The following RERG variants were observed in gnomAD, a reference collection of about 807,000 sequenced individuals.
The protein encoded by RERG is RAS like estrogen regulated growth inhibitor, also known as ras-related and estrogen-regulated growth inhibitor.
RERG carries 25 observed loss-of-function variants against 23.2 expected under a neutral mutation model. The observed-to-expected ratio is 1.08, with a 90% CI of 0.79 to 1.50. RERG has a LOEUF of 1.50. Among genes scored for constraint, RERG ranks in the 40% most tolerant of loss-of-function variants. The probability of loss-of-function intolerance (pLI) is 0.00; values close to 1 mark genes in which losing one functional copy is unlikely to be tolerated. For missense variants in RERG, 253 were observed against 250.1 expected (o/e 1.01, Z -0.08); for synonymous variants, 81 against 89.1 (o/e 0.91, Z 0.51).
intron 2 of RERG, among the ~76,000 whole-genome samples, chr12:15,214,473 C>T (rs2136149826): frequency 6.6e-6 from 1 of 152,176 alleles, no homozygotes; most frequent in Middle Eastern, 3.4e-3. Flanking sequence ...ACTTAAGCCT[C>T]TGAAACAATT....
At chr12:15,177,839 GTTT>G (rs11304470) in intron 2 of RERG, among the ~76,000 whole-genome samples, 4 of 112,954 alleles carry the variant, frequency 3.5e-5, no homozygotes, top group East Asian at 2.7e-4. Context: ...CCCTCTGTTT[GTTT>G]TTTTTTTTTT....
At chr12:15,216,391 A>G (rs1380491704) in intron 2 of RERG, among the ~76,000 whole-genome samples, 1 of 152,226 alleles carries the variant, frequency 6.6e-6, no homozygotes, top group East Asian at 1.9e-4. Flanking sequence ...AGAGACAAAG[A>G]CTTAGAAGAG....
At chr12:15,160,389 T>C (rs1369076303) in intron 2 of RERG, among the ~76,000 whole-genome samples, 1 of 152,100 alleles carries the variant, frequency 6.6e-6, no homozygotes, top group Non-Finnish European at 1.5e-5. Flanking sequence ...CGCTGAAACA[T>C]GGCTTTTTAG....
intron 2 of RERG, among the ~76,000 whole-genome samples, chr12:15,214,000 G>GTA (rs1039738528): frequency 7.1e-4 from 23 of 32,484 alleles, no homozygotes; most frequent in Admixed American, 5.2e-3. Flanking sequence ...GAAAGTATGT[G>GTA]TGTGTGTGTG....
At chr12:15,155,918 T>C (rs780129967) in intron 2 of RERG, among the ~76,000 whole-genome samples, 1 of 150,974 alleles carries the variant, frequency 6.6e-6, no homozygotes, top group African/African-American at 2.4e-5. Flanking sequence ...AAATCAACTA[T>C]GATGAAATAT....
At chr12:15,143,311 C>A (rs1183170008) in intron 2 of RERG, among the ~76,000 whole-genome samples, 1 of 142,408 alleles carries the variant, frequency 7.0e-6, no homozygotes, top group Non-Finnish European at 1.5e-5. Context: ...ATATAATATA[C>A]ACACACACGT....
At chr12:15,155,665 A>G (rs146093323) in intron 2 of RERG, among the ~76,000 whole-genome samples, 171 of 152,216 alleles carry the variant, frequency 1.1e-3, no homozygotes, top group African/African-American at 4.0e-3. Flanking sequence ...GTACCTGACA[A>G]TTATCTTGTT....
chr12:15,182,777 A>G (rs1864941727), intron 2 of RERG, among the ~76,000 whole-genome samples: 1 of 152,116 alleles, frequency 6.6e-6, no homozygotes, highest in African/African-American at 2.4e-5. Context: ...GACATTATCT[A>G]ACTAAGAAGG....
intron 3 of RERG, among the ~76,000 whole-genome samples, chr12:15,115,689 G>A (rs185667087): frequency 2.0e-5 from 3 of 152,150 alleles, no homozygotes; most frequent in Admixed American, 2.0e-4. Context: ...CCTGTAAGCC[G>A]GTGGTTTTGT....
At chr12:15,185,541 T>C (rs2136131435) in intron 2 of RERG, among the ~76,000 whole-genome samples, 1 of 152,246 alleles carries the variant, frequency 6.6e-6, no homozygotes, top group East Asian at 1.9e-4. Context: ...CCAACCTGTA[T>C]GAAAGTAATT....
intron 2 of RERG, among the ~76,000 whole-genome samples, chr12:15,175,331 CTCTGTG>C (rs1366303269): frequency 4.6e-5 from 5 of 109,272 alleles, no homozygotes; most frequent in African/African-American, 6.9e-5. Context: ...TACTCTCAGG[CTCTGTG>C]TGTGTGTGTG....
chr12:15,149,853 T>C (rs771813745), intron 2 of RERG, among the ~76,000 whole-genome samples: 2 of 152,028 alleles, frequency 1.3e-5, no homozygotes, highest in Non-Finnish European at 2.9e-5. Flanking sequence ...AGGACCAGCC[T>C]ACAGATCTCC....
At chr12:15,183,774 T>C (rs1409066501) in intron 2 of RERG, among the ~76,000 whole-genome samples, 1 of 152,162 alleles carries the variant, frequency 6.6e-6, no homozygotes, top group Non-Finnish European at 1.5e-5. Context: ...GACCCATGAA[T>C]AGTGTGGAAA....
At chr12:15,198,932 G>A (rs1390801382) in intron 2 of RERG, among the ~76,000 whole-genome samples, 1 of 152,124 alleles carries the variant, frequency 6.6e-6, no homozygotes. Context: ...CCTGTCTAAA[G>A]GTCCATTACT....
At position 15,109,293 on chromosome 12, in the gene RERG, T is replaced by C. The variant is rs201376543; in HGVS notation, c.417A>G (p.Glu139=). 15 of 1,614,148 alleles carry C rather than the reference T, an allele frequency of 9.3e-6. No individual in the cohort carries two copies. The East Asian group carries it at 3.3e-4, about 36-fold the overall frequency. Residue 139 remains glutamate (E), a synonymous_variant, in exon 5 of 5, where the codon GAA becomes GAG. Coordinates refer to ENST00000256953, the MANE Select transcript of RERG (RefSeq NM_032918.3). Reference sequence around the variant, plus strand: ...AGCACTCGTAAAAAGCACAAGCCAATTCTGTGGCCAGCTTCTCTCCTTCTT... The same window carrying C: ...AGCACTCGTAAAAAGCACAAGCCAACTCTGTGGCCAGCTTCTCTCCTTCTT... ...STEEGEKLAT[E]LACAFYECSA...
At chr12:15,182,424 C>T (rs929549275) in intron 2 of RERG, among the ~76,000 whole-genome samples, 25 of 152,126 alleles carry the variant, frequency 1.6e-4, no homozygotes, top group African/African-American at 6.0e-4. Context: ...CACCAAATAC[C>T]TCCTCCCAAG....
At chr12:15,159,288 C>T (rs1413143433) in intron 2 of RERG, among the ~76,000 whole-genome samples, 1 of 152,182 alleles carries the variant, frequency 6.6e-6, no homozygotes, top group Non-Finnish European at 1.5e-5. Context: ...TGATAGGTCC[C>T]TACCATTTGT....
At chr12:15,185,183 C>T (rs1046469091) in intron 2 of RERG, among the ~76,000 whole-genome samples, 5 of 152,084 alleles carry the variant, frequency 3.3e-5, no homozygotes, top group Admixed American at 6.6e-5. Flanking sequence ...ACACATAAAT[C>T]GGACCCAAAT....
intron 2 of RERG, among the ~76,000 whole-genome samples, chr12:15,198,742 T>G (rs1055361732): frequency 1.3e-5 from 2 of 152,170 alleles, no homozygotes; most frequent in African/African-American, 4.8e-5. Flanking sequence ...CCACTTAACA[T>G]TTCATGGCTA....
Sources: allele counts gnomAD v4.1 joint callset (sites outside exome capture counted in the v4.1 genomes callset), GRCh38; gene constraint gnomAD v4.1.1; transcripts MANE v1.5; gene names NCBI Gene and HGNC (gene_info 2026-07-23, HGNC 2026-07-21).